Variants in IRAK1BP1 observed in about 807,000 individuals in gnomAD.
The protein encoded by IRAK1BP1 is interleukin 1 receptor associated kinase 1 binding protein 1, also known as interleukin-1 receptor-associated kinase 1-binding protein 1.
IRAK1BP1 carries 24 observed loss-of-function variants against 28.0 expected under a neutral mutation model. The ratio of observed to expected loss-of-function variants is 0.86; its 90% CI spans 0.62 to 1.20. IRAK1BP1 has a LOEUF of 1.20. Among genes scored for constraint, IRAK1BP1 ranks in the 50% most tolerant of loss-of-function variants. The pLI, the probability that IRAK1BP1 is intolerant of heterozygous loss-of-function variation, is 0.00. For missense variants in IRAK1BP1, 336 were observed against 316.7 expected, an observed-to-expected ratio of 1.06 and a Z score of -0.46; for synonymous variants, 131 against 116.3, an observed-to-expected ratio of 1.13 and a Z score of -0.81.
chr6:78,960,838 C>G, the IRAK1BP1 span, among the ~76,000 whole-genome samples: 1 of 151,758 alleles, frequency 6.6e-6, no homozygotes, highest in African/African-American at 2.4e-5. Flanking sequence ...TAAAAAGAAC[C>G]AAAGGCACAT....
At chr6:78,945,819 C>T in exon 5 of IRAK1BP1, 1 of 615,778 alleles carries the variant, frequency 1.6e-6, no homozygotes, top group Non-Finnish European at 2.8e-6. Flanking sequence ...TCTATAATGA[C>T]CTAAACCTCA....
At chr6:78,933,607 C>A (rs1221400048) in intron 4 of IRAK1BP1, among the ~76,000 whole-genome samples, 1 of 151,812 alleles carries the variant, frequency 6.6e-6, no homozygotes, top group Non-Finnish European at 1.5e-5. Flanking sequence ...AAGAGCAAAA[C>A]TCTGTCTCAA....
At chr6:78,940,232 A>AGG (rs1773419009) in intron 4 of IRAK1BP1, 2 of 152,048 alleles carry the variant, frequency 1.3e-5, no homozygotes, top group Admixed American at 6.6e-5. Context: ...ACTCTGTATA[A>AGG]CATCTATCTT....
At chr6:78,946,603 T>A (rs1478114655), downstream of IRAK1BP1, 3 of 1,433,144 alleles carry the variant, frequency 2.1e-6, no homozygotes, top group Non-Finnish European at 2.7e-6. Flanking sequence ...TGTCAAATTA[T>A]CATTCTGCAA....
At chr6:78,889,439 C>G (rs954281444) in intron 2 of IRAK1BP1, among the ~76,000 whole-genome samples, 2 of 151,908 alleles carry the variant, frequency 1.3e-5, no homozygotes, top group African/African-American at 4.8e-5. Flanking sequence ...TCTAAGTAAA[C>G]TAAAGAGCTT....
chr6:78,877,948 C>A (rs1372889177), intron 1 of IRAK1BP1, among the ~76,000 whole-genome samples: 2 of 151,408 alleles, frequency 1.3e-5, no homozygotes, highest in Non-Finnish European at 2.9e-5. Context: ...GGGGGAGGGG[C>A]TCCGCCATTG....
intron 1 of IRAK1BP1, among the ~76,000 whole-genome samples, chr6:78,872,789 A>G (rs1306417947): frequency 2.0e-5 from 3 of 152,280 alleles, no homozygotes; most frequent in East Asian, 3.9e-4. Flanking sequence ...CACAGTAGGC[A>G]TTATTTTCTT....
intron 2 of IRAK1BP1, among the ~76,000 whole-genome samples, chr6:78,889,498 A>G (rs114900086): frequency 0.075 from 11,401 of 151,720 alleles, 543 homozygotes; most frequent in African/African-American, 0.13. Flanking sequence ...AACCTTCAGA[A>G]TGGGAGAAAA....
intron 4 of IRAK1BP1, chr6:78,935,434 T>C: frequency 2.2e-6 from 2 of 893,260 alleles, no homozygotes; most frequent in Non-Finnish European, 2.7e-6. Context: ...TGCAATAACC[T>C]TCTTTCCATC....
rs115725968 is a variant in IRAK1BP1, at chr6:78,928,248, C to A, written c.*68-17160C>A. Among the ~76,000 whole-genome samples, 893 of 152,028 alleles carry A rather than the reference C, an allele frequency of 5.9e-3. 4 individuals are homozygous for A. Among genetic ancestry groups the A allele is most frequent in the African/African-American group, 0.02 (823 of 41,452 alleles). Reference sequence around the variant, plus strand: ...AGATCTTTCACTTCTTTGGTCAATTCCTAGGTATTTAATTTTATTTGTGGT... The same window carrying A: ...AGATCTTTCACTTCTTTGGTCAATTACTAGGTATTTAATTTTATTTGTGGT... On this transcript the variant is annotated intron_variant and NMD_transcript_variant, in intron 4 of 4. Coordinates refer to the IRAK1BP1 transcript ENST00000606868.
At chr6:78,977,608 A>G in the IRAK1BP1 span, among the ~76,000 whole-genome samples, 9 of 152,200 alleles carry the variant, frequency 5.9e-5, no homozygotes, top group Non-Finnish European at 1.2e-4. Flanking sequence ...ACCAGCAGCT[A>G]AAAAGACAAC....
chr6:78,878,471 C>G (rs1771094084), intron 1 of IRAK1BP1, among the ~76,000 whole-genome samples: 1 of 152,104 alleles, frequency 6.6e-6, no homozygotes, highest in Non-Finnish European at 1.5e-5. Context: ...GAAAGGACAT[C>G]CACAACAAAA....
At chr6:78,925,494 T>G (rs1772863620) in intron 4 of IRAK1BP1, among the ~76,000 whole-genome samples, 1 of 152,074 alleles carries the variant, frequency 6.6e-6, no homozygotes. Flanking sequence ...AAATACTATC[T>G]CACACCAGTG....
chr6:78,869,597 A>G (rs1444366782), intron 1 of IRAK1BP1, among the ~76,000 whole-genome samples: 3 of 152,238 alleles, frequency 2.0e-5, no homozygotes, highest in African/African-American at 7.2e-5. Flanking sequence ...CATAAGAAAG[A>G]CAGTAACCTC....
intron 4 of IRAK1BP1, chr6:78,935,455 T>C (rs1773240976): frequency 1.0e-6 from 1 of 960,308 alleles, no homozygotes; most frequent in Non-Finnish European, 1.2e-6. Flanking sequence ...ATTCCTTTTT[T>C]CCCAGAAATT....
chr6:78,948,188 A>C (rs2127684061), downstream of IRAK1BP1, among the ~76,000 whole-genome samples: 1 of 152,338 alleles, frequency 6.6e-6, no homozygotes, highest in South Asian at 2.1e-4. Flanking sequence ...GGAAATAAAA[A>C]CAATGGAAGT....
rs1770624983 is a variant in IRAK1BP1 at position 78,867,662 on chromosome 6, C to T, written c.86C>T (p.Ser29Leu). 1.9e-6 allele frequency: 3 copies of T among 1,614,224 alleles called. No homozygotes were observed. Among genetic ancestry groups the T allele is most frequent in the Non-Finnish European group, 2.5e-6 (3 of 1,180,044 alleles). Residue 29 changes from serine (S) to leucine (L), a missense_variant, in exon 1 of 4, where the codon TCA becomes TTA. Physicochemically the swap from Ser to Leu is moderately radical, Grantham distance 145 (BLOSUM62 -2). Transcript: ENST00000369940. ...ADRSRENNLA[S>L]GRETLPGLRH... ...CGGAGCCGGGAGAACAACCTGGCCT[C>T]AGGGAGAGAGACGCTACCGGGCTTA...
intron 2 of IRAK1BP1, among the ~76,000 whole-genome samples, chr6:78,895,970 A>G (rs548170623): frequency 6.6e-6 from 1 of 152,328 alleles, no homozygotes; most frequent in South Asian, 2.1e-4. Context: ...AGAATCTACA[A>G]AAAAGCTATT....
rs762873897 is a variant in IRAK1BP1, at chr6:78,867,694, C to A, written c.118C>A (p.Pro40Thr). ...GRETLPGLRH[P>T]LSSTQAQTAT... The stretch of plus-strand genomic sequence containing the variant: ...AGAGACGCTACCGGGCTTACGCCAC[C>A]CCCTCTCCTCAACACAAGCCCAAAC... Residue 40 changes from proline to threonine, a missense_variant, in exon 1 of 4, where the codon CCC becomes ACC. Coordinates refer to ENST00000369940, the MANE Select transcript of IRAK1BP1 (RefSeq NM_001010844.4). 2 of 1,614,236 alleles carry A rather than the reference C, an allele frequency of 1.2e-6. No homozygotes were observed. Among genetic ancestry groups the A allele is most frequent in the Admixed American group, 3.3e-5 (2 of 60,026 alleles).
Sources: gnomAD v4.1 joint callset for allele counts (sites outside exome capture counted in the v4.1 genomes callset) on GRCh38, gnomAD v4.1.1 for gene constraint, MANE v1.5 for transcripts, NCBI Gene and HGNC (gene_info 2026-07-23, HGNC 2026-07-21) for gene names.